The following PCDH11X variants were observed in gnomAD, a reference collection of about 807,000 sequenced individuals.
The protein encoded by PCDH11X is protocadherin 11 X-linked, also known as protocadherin-11 X-linked.
PCDH11X carries 18 observed loss-of-function variants against 53.3 expected under a neutral mutation model. The ratio of observed to expected loss-of-function variants is 0.34; its 90% confidence interval spans 0.23 to 0.50. The LOEUF (loss-of-function observed/expected upper bound fraction) is 0.50, where lower values mean the gene tolerates loss of function less well. Ranked by LOEUF, PCDH11X falls within the 20% of genes least tolerant of loss-of-function variation. PCDH11X has a pLI of 0.98. For synonymous variants in PCDH11X, 279 were observed against 393.3 expected (o/e 0.71, Z 3.44); for missense variants, 570 against 1,032.4 (o/e 0.55, Z 6.14).
chrX:92,579,176 TA>T (rs955661668), intron 10 of PCDH11X, among the ~76,000 whole-genome samples: 2 of 101,331 alleles, frequency 2.0e-5, no homozygotes, highest in African/African-American at 7.4e-5. Context: ...CTGTCCTTAA[TA>T]TTTTTTTCCT....
At chrX:92,106,078 TG>T (rs1265337187) in intron 6 of PCDH11X, among the ~76,000 whole-genome samples, 1 of 111,071 alleles carries the variant, frequency 9.0e-6, no homozygotes, top group Non-Finnish European at 1.9e-5. Flanking sequence ...AATGATAAAA[TG>T]GTAAACAGTG....
chrX:91,792,578 T>G (rs1473791626), intron 1 of PCDH11X, among the ~76,000 whole-genome samples: 1 of 111,337 alleles, frequency 9.0e-6, no homozygotes. Flanking sequence ...GTACTTAAAG[T>G]ACTTACAATT....
intron 6 of PCDH11X, among the ~76,000 whole-genome samples, chrX:91,966,859 A>T (rs1409000032): frequency 1.8e-5 from 2 of 110,227 alleles, no homozygotes; most frequent in African/African-American, 6.6e-5. Flanking sequence ...CAGACCGTGC[A>T]GGTTTGTCAT....
At chrX:92,143,436 G>A (rs199787052) in intron 6 of PCDH11X, among the ~76,000 whole-genome samples, 1 of 112,375 alleles carries the variant, frequency 8.9e-6, no homozygotes, top group East Asian at 2.8e-4. Flanking sequence ...TAGGGACTTG[G>A]TGCCCTGTGT....
At chrX:92,208,508 AATATATATATAT>A (rs58212809) in intron 7 of PCDH11X, among the ~76,000 whole-genome samples, 1,211 of 30,651 alleles carry the variant, frequency 0.04, 109 homozygotes, top group African/African-American at 0.17. Flanking sequence ...CCCTGAAACT[AATATATATATAT>A]ATATATATAT....
chrX:92,114,534 G>C (rs1181260741), intron 6 of PCDH11X: 13 of 433,793 alleles, frequency 3.0e-5, no homozygotes, highest in Non-Finnish European at 5.2e-5. Flanking sequence ...CCATTAAAAA[G>C]GTGGAGAGGT....
chrX:92,493,983 GT>G (rs762716633), intron 10 of PCDH11X, among the ~76,000 whole-genome samples: 321 of 101,373 alleles, frequency 3.2e-3, no homozygotes, highest in African/African-American at 6.0e-3. Context: ...TTGCCAACAG[GT>G]TTTTTTTTTT....
intron 6 of PCDH11X, among the ~76,000 whole-genome samples, chrX:92,076,316 A>G (rs757221136): frequency 9.7e-6 from 1 of 103,093 alleles, no homozygotes; most frequent in Admixed American, 1.1e-4. Context: ...AGACCACAGC[A>G]ATTTTTTGTA....
At chrX:92,499,314 A>C (rs2073914955) in intron 10 of PCDH11X, among the ~76,000 whole-genome samples, 1 of 86,887 alleles carries the variant, frequency 1.2e-5, no homozygotes, top group Non-Finnish European at 2.2e-5. Flanking sequence ...ATAAATATAA[A>C]ATGATTGAAT....
rs369715441 is a variant in PCDH11X, at chrX:91,941,252, T to C, written c.3033+61979T>C. Among the ~76,000 whole-genome samples the C allele has an allele frequency of 2.7e-5, 3 of 111,394 alleles. No homozygotes were observed. In the East Asian group the frequency reaches 8.6e-4, roughly 32 times the overall value. On this transcript the variant is annotated intron_variant, in intron 6 of 10. Coordinates refer to ENST00000682573, the MANE Select transcript of PCDH11X (RefSeq NM_032968.5). Reference sequence around the variant, plus strand: ...ACAAACAACCAGTAACACCTTTGAATATAAACAGTCTAAACACCTCAATTA... The same window carrying C: ...ACAAACAACCAGTAACACCTTTGAACATAAACAGTCTAAACACCTCAATTA...
chrX:91,789,058 T>C (rs1247332973), intron 1 of PCDH11X, among the ~76,000 whole-genome samples: 3 of 107,284 alleles, frequency 2.8e-5, no homozygotes, highest in African/African-American at 1.0e-4. Context: ...AAAAATTAGC[T>C]GGGCGTCTTG....
At chrX:92,257,737 G>A (rs1016401814) in intron 7 of PCDH11X, among the ~76,000 whole-genome samples, 2 of 112,630 alleles carry the variant, frequency 1.8e-5, no homozygotes, top group Admixed American at 9.3e-5. Context: ...TGGTGCAAAC[G>A]GTGGGCTCCC....
chrX:91,867,228 G>A (rs778931931), intron 5 of PCDH11X, among the ~76,000 whole-genome samples: 1 of 111,683 alleles, frequency 9.0e-6, no homozygotes, highest in East Asian at 2.8e-4. Context: ...AAAATCACTA[G>A]TAGTACAAAA....
chrX:92,375,892 G>A (rs1331512314), intron 8 of PCDH11X, among the ~76,000 whole-genome samples: 1 of 112,160 alleles, frequency 8.9e-6, no homozygotes, highest in Non-Finnish European at 1.9e-5. Flanking sequence ...AAAGTGCTGG[G>A]ATTATAGGCG....
intron 6 of PCDH11X, among the ~76,000 whole-genome samples, chrX:91,947,197 T>C (rs2061586745): frequency 1.8e-5 from 2 of 108,981 alleles, no homozygotes; most frequent in African/African-American, 6.6e-5. Flanking sequence ...GGAAAGTTTG[T>C]GTTGGGGGGG....
intron 6 of PCDH11X, among the ~76,000 whole-genome samples, chrX:92,075,801 A>G (rs1279301455): frequency 9.0e-6 from 1 of 111,728 alleles, no homozygotes; most frequent in Non-Finnish European, 1.9e-5. Context: ...AGTGTGAATA[A>G]CTATCACCTT....
intron 6 of PCDH11X, among the ~76,000 whole-genome samples, chrX:92,041,906 T>C (rs1487407518): frequency 9.0e-6 from 1 of 111,710 alleles, no homozygotes; most frequent in Admixed American, 9.5e-5. Context: ...GAGGTGGAGG[T>C]TGCAGTGAGC....
intron 9 of PCDH11X, among the ~76,000 whole-genome samples, chrX:92,417,443 A>C (rs754795717): frequency 9.0e-6 from 1 of 110,671 alleles, no homozygotes; most frequent in Non-Finnish European, 1.9e-5. Flanking sequence ...GAAGCCAAAT[A>C]TGTCTGTAAT....
At chrX:92,009,929 T>A (rs749260179) in intron 6 of PCDH11X, among the ~76,000 whole-genome samples, 1,499 of 110,060 alleles carry the variant, frequency 0.014, 22 homozygotes, top group African/African-American at 0.046. Flanking sequence ...GGGCTGGAAC[T>A]CCTGACCTCA....
Sources: gnomAD v4.1 joint callset for allele counts (sites outside exome capture counted in the v4.1 genomes callset) on GRCh38, gnomAD v4.1.1 for gene constraint, MANE v1.5 for transcripts, NCBI Gene and HGNC (gene_info 2026-07-23, HGNC 2026-07-21) for gene names.